Variants in SLC45A4 observed in about 807,000 individuals in gnomAD.
SLC45A4 encodes polyamine-transporter SLC45A4.
In SLC45A4, 32 loss-of-function variants were observed where a neutral mutation model predicts 63.7. The ratio of observed to expected loss-of-function variants is 0.50; its 90% CI spans 0.38 to 0.67. The LOEUF is 0.67. Among genes scored for constraint, SLC45A4 ranks in the 30% least tolerant of loss-of-function variants. The pLI is 0.00. For missense variants in SLC45A4, 1,027 were observed against 1,157.7 expected (o/e 0.89, Z 1.64); for synonymous variants, 535 against 510.0 (o/e 1.05, Z -0.66).
At chr8:141,277,917 AT>A (rs1337205757) in intron 1 of SLC45A4, among the ~76,000 whole-genome samples, 1 of 151,980 alleles carries the variant, frequency 6.6e-6, no homozygotes, top group East Asian at 1.9e-4. Context: ...GAAAAAAACA[AT>A]TTTTTAAGAG....
At chr8:141,265,807 C>T (rs1829243509) in intron 1 of SLC45A4, among the ~76,000 whole-genome samples, 1 of 152,172 alleles carries the variant, frequency 6.6e-6, no homozygotes, top group African/African-American at 2.4e-5. Context: ...AGATTTTCCC[C>T]AGCATGGAAA....
At chr8:141,235,636 G>A (rs542800181) in intron 2 of SLC45A4, among the ~76,000 whole-genome samples, 2 of 152,304 alleles carry the variant, frequency 1.3e-5, no homozygotes, top group South Asian at 2.1e-4. Context: ...CTGGGTTTAC[G>A]GAAGAGGGAG....
intron 1 of SLC45A4, among the ~76,000 whole-genome samples, chr8:141,282,418 G>A (rs558749300): frequency 2.0e-5 from 3 of 152,296 alleles, no homozygotes; most frequent in South Asian, 4.1e-4. Context: ...AAGCTCACCC[G>A]CTGGGCGGCC....
Position 141,244,968 on chromosome 8 carries a change from G to GGGGGGGGGGGGGGGGGGGGGGGGGGGC in SLC45A4, c.241+9020_241+9021insGCCCCCCCCCCCCCCCCCCCCCCCCCC, listed in dbSNP as rs1569558620. On this transcript the variant is annotated intron_variant, in intron 2 of 8. Transcript: ENST00000517878. ...CAAGAAGACGTGGGTGGGGGGGGGGGGCGGTGTGGAGGTGGAGGCTGGGCT... is the reference window on the plus strand; with the variant it reads ...CAAGAAGACGTGGGTGGGGGGGGGGGGGGGGGGGGGGGGGGGGGGGGGGGGGCGCGGTGTGGAGGTGGAGGCTGGGCT... Among the ~76,000 whole-genome samples the GGGGGGGGGGGGGGGGGGGGGGGGGGGC allele has an allele frequency of 7.0e-5, 5 of 71,830 alleles. 2 individuals are homozygous for GGGGGGGGGGGGGGGGGGGGGGGGGGGC. The highest frequency in any genetic ancestry group is 1.8e-4 in the Non-Finnish European group (5 of 27,900). The allele number at this position is 71,830 out of a possible 152,430, so 47.1% of individuals were successfully genotyped here.
intron 4 of SLC45A4, 91 bp downstream of exon 4, chr8:141,219,559 C>A (rs1001265314): frequency 9.1e-6 from 13 of 1,420,950 alleles, no homozygotes; most frequent in Non-Finnish European, 1.2e-5. Context: ...CCTGATGAGG[C>A]AGCGCTGACA....
At chr8:141,233,063 AG>A (rs1464422880) in intron 2 of SLC45A4, among the ~76,000 whole-genome samples, 1 of 152,254 alleles carries the variant, frequency 6.6e-6, no homozygotes, top group Non-Finnish European at 1.5e-5. Flanking sequence ...GTCGGGCATT[AG>A]GAAGTGCTAA....
At chr8:141,259,650 T>C (rs1403878961) in intron 1 of SLC45A4, among the ~76,000 whole-genome samples, 1 of 152,138 alleles carries the variant, frequency 6.6e-6, no homozygotes, top group East Asian at 1.9e-4. Flanking sequence ...ATCCCCATCT[T>C]GCACAAAGGA....
At chr8:141,245,547 G>A (rs906101770) in intron 2 of SLC45A4, among the ~76,000 whole-genome samples, 7 of 152,102 alleles carry the variant, frequency 4.6e-5, no homozygotes, top group African/African-American at 1.7e-4. Flanking sequence ...CAGAATCCCA[G>A]AGCATCAGGG....
In SLC45A4 at chr8:141,229,579, A is replaced by G. The variant is rs1827232545; in HGVS notation, c.242-7814T>C. Among the ~76,000 whole-genome samples, 1 of 152,018 alleles carries G rather than the reference A, an allele frequency of 6.6e-6. No individual in the cohort carries two copies. Among genetic ancestry groups the G allele is most frequent in the African/African-American group, 2.4e-5 (1 of 41,412 alleles). On this transcript the variant is annotated intron_variant, in intron 2 of 8. Transcript: ENST00000517878. This position sits in a 1 kb window ranked among gnomAD's most constrained non-coding sequence, Gnocchi z 5.0. ...GTGGGACCATCCAGGACCGCATCCTAGGAGGCTCTCAACAAGCACGTGGCA... is the reference window on the plus strand; with the variant it reads ...GTGGGACCATCCAGGACCGCATCCTGGGAGGCTCTCAACAAGCACGTGGCA...
intron 1 of SLC45A4, among the ~76,000 whole-genome samples, chr8:141,282,151 C>T (rs990609976): frequency 3.2e-4 from 49 of 152,304 alleles, no homozygotes; most frequent in African/African-American, 1.1e-3. Context: ...GGTCTCAGGA[C>T]GTCGAGGATG....
chr8:141,238,693 C>T (rs1827748133), intron 2 of SLC45A4, among the ~76,000 whole-genome samples: 1 of 152,198 alleles, frequency 6.6e-6, no homozygotes, highest in African/African-American at 2.4e-5. Context: ...ACCCATTCCC[C>T]ACAGAGACCT....
In SLC45A4 at chr8:141,229,152, G is replaced by T. The variant is rs529432661; in HGVS notation, c.242-7387C>A. ...TGCCCTTAAAAGAGCTGCACTCTCA[G>T]GAGCAGAGTTTTGTGAGCATAGCAG... On this transcript the variant is annotated intron_variant, in intron 2 of 8. Coordinates refer to ENST00000517878, the MANE Select transcript of SLC45A4 (RefSeq NM_001286646.2). This position sits in a 1 kb window ranked among gnomAD's most constrained non-coding sequence, Gnocchi z 5.0. Among the ~76,000 whole-genome samples, 184 of 152,278 alleles carry T rather than the reference G, an allele frequency of 1.2e-3. 1 individual carries two copies. The highest frequency in any genetic ancestry group is 2.2e-3 in the Non-Finnish European group (153 of 68,008).
intron 2 of SLC45A4, among the ~76,000 whole-genome samples, chr8:141,250,772 T>C (rs997363583): frequency 1.3e-5 from 2 of 152,198 alleles, no homozygotes; most frequent in Non-Finnish European, 2.9e-5. Context: ...CGACTCAAGG[T>C]ATTTTCAACG....
chr8:141,246,249 G>A (rs1005950636), intron 2 of SLC45A4, among the ~76,000 whole-genome samples: 1 of 152,178 alleles, frequency 6.6e-6, no homozygotes, highest in Admixed American at 6.5e-5. Flanking sequence ...TTCTGAGCAC[G>A]TGTACTGGTT....
chr8:141,251,686 A>G (rs1828473893), intron 2 of SLC45A4, among the ~76,000 whole-genome samples: 1 of 152,074 alleles, frequency 6.6e-6, no homozygotes, highest in South Asian at 2.1e-4. Flanking sequence ...AGCCTTCTCA[A>G]AACAAGGTTT....
Position 141,216,957 on chromosome 8 carries a change from C to A in SLC45A4, c.1729+133G>T, listed in dbSNP as rs906395337. The A allele has an allele frequency of 3.3e-5, 27 of 827,616 alleles. 1 individual carries two copies. In the South Asian group the frequency reaches 4.4e-4, roughly 14 times the overall value. 51.3% of individuals were successfully genotyped at this position (827,616 alleles called of 1,614,324 possible). ...TTCGATGCTTCTCCCCAAGGGGTGG[C>A]CCTGTTTTGAGGGACCCAGAAGTCA... On this transcript the variant is annotated intron_variant, in intron 6 of 8. Transcript: ENST00000517878.
chr8:141,216,810 A>G (rs1239187418), intron 6 of SLC45A4, among the ~76,000 whole-genome samples: 1 of 152,192 alleles, frequency 6.6e-6, no homozygotes, highest in Non-Finnish European at 1.5e-5. Context: ...TGGAGGCACC[A>G]TTGACGTGGG....
chr8:141,228,671 C>A (rs796979988), intron 2 of SLC45A4: 2 of 994,010 alleles, frequency 2.0e-6, no homozygotes, highest in African/African-American at 3.4e-5. Context: ...TATAAACAAC[C>A]GTATGGCCTT....
intron 1 of SLC45A4, among the ~76,000 whole-genome samples, chr8:141,287,790 G>A (rs11167043): frequency 0.96 from 145,461 of 152,294 alleles, 69,840 homozygotes; most frequent in Middle Eastern, 1. Flanking sequence ...ATCTGCAGAC[G>A]GGCCTCAGTG....
Sources: gnomAD v4.1 joint callset for allele counts (sites outside exome capture counted in the v4.1 genomes callset) on GRCh38, gnomAD v4.1.1 for gene constraint, Gnocchi (gnomAD v3.1) non-coding constraint, MANE v1.5 for transcripts, NCBI Gene and HGNC (gene_info 2026-07-23, HGNC 2026-07-21) for gene names.